GREB1L: variants seen among roughly 807,000 people sequenced by gnomAD.
GREB1L encodes GREB1-like protein.
Under a neutral mutation model 200.8 loss-of-function variants are expected in GREB1L, and 17 were observed. The observed-to-expected ratio is 0.08, with a 90% CI of 0.06 to 0.13. The LOEUF is 0.13. GREB1L is among the 10% of genes least tolerant of loss of function. GREB1L has a pLI of 1.00. For missense variants in GREB1L, 1,657 were observed against 2,367.7 expected, an observed-to-expected ratio of 0.70 and a Z score of 6.23; for synonymous variants, 789 against 893.0, an observed-to-expected ratio of 0.88 and a Z score of 2.08.
At chr18:21,250,693 G>A (rs1332776875) in intron 1 of GREB1L, among the ~76,000 whole-genome samples, 2 of 152,058 alleles carry the variant, frequency 1.3e-5, no homozygotes, top group East Asian at 1.9e-4. Flanking sequence ...TATCTGTTTG[G>A]GGTATTCAGG....
chr18:21,380,325 C>T (rs1280366299), intron 2 of GREB1L: 3 of 152,234 alleles, frequency 2.0e-5, no homozygotes, highest in Non-Finnish European at 2.9e-5. Context: ...CCTCCCTGCT[C>T]ATGAGTGGGC....
intron 16 of GREB1L, among the ~76,000 whole-genome samples, chr18:21,473,848 C>T (rs1297291735): frequency 6.6e-6 from 1 of 152,118 alleles, no homozygotes; most frequent in East Asian, 1.9e-4. Context: ...ACAATCATGG[C>T]ATAAGGCAGG....
At chr18:21,404,620 A>G (rs752949901) in intron 7 of GREB1L, among the ~76,000 whole-genome samples, 3 of 152,230 alleles carry the variant, frequency 2.0e-5, no homozygotes, top group Non-Finnish European at 4.4e-5. Context: ...TCCAGTATAG[A>G]GCACCAGCCC....
intron 7 of GREB1L, among the ~76,000 whole-genome samples, chr18:21,407,666 G>T (rs2030423423): frequency 1.3e-5 from 2 of 151,814 alleles, no homozygotes; most frequent in Non-Finnish European, 2.9e-5. Context: ...TAAATATAAG[G>T]ATTTGTTTTT....
intron 17 of GREB1L, among the ~76,000 whole-genome samples, chr18:21,478,403 A>G (rs1239236843): frequency 6.6e-6 from 1 of 152,248 alleles, no homozygotes; most frequent in Non-Finnish European, 1.5e-5. Context: ...TAAGCAATGG[A>G]TCCCTCATTT....
intron 18 of GREB1L, 76 bp downstream of exon 18, chr18:21,485,829 G>T (rs2036107210): frequency 1.0e-5 from 15 of 1,443,794 alleles, no homozygotes; most frequent in Non-Finnish European, 1.4e-5. Context: ...AGCCTTTTGT[G>T]TCAGTGCTAC....
chr18:21,518,298 G>T, intron 31 of GREB1L, 64 bp downstream of exon 31: 1 of 1,457,744 alleles, frequency 6.9e-7, no homozygotes, highest in Admixed American at 2.4e-5. Flanking sequence ...CATTTTAGCT[G>T]TTTACAAAAA....
chr18:21,340,832 C>T (rs1421277273), intron 1 of GREB1L, among the ~76,000 whole-genome samples: 2 of 152,154 alleles, frequency 1.3e-5, no homozygotes, highest in East Asian at 1.9e-4. Flanking sequence ...CGTTGAGCCA[C>T]CGCACCCGGC....
chr18:21,436,932 A>G (rs1446660314), intron 7 of GREB1L, among the ~76,000 whole-genome samples: 3 of 151,976 alleles, frequency 2.0e-5, no homozygotes, highest in Admixed American at 1.3e-4. Context: ...GCTAGTCTCA[A>G]ACTCCTGGAG....
At chr18:21,456,044 T>C (rs911867797) in intron 15 of GREB1L, among the ~76,000 whole-genome samples, 1 of 151,880 alleles carries the variant, frequency 6.6e-6, no homozygotes, top group African/African-American at 2.4e-5. Flanking sequence ...TAGCTGAGAT[T>C]ACAGGTGTGC....
chr18:21,440,160 A>C, intron 8 of GREB1L, 109 bp from the exon 9 acceptor site: 1 of 1,165,572 alleles, frequency 8.6e-7, no homozygotes, highest in East Asian at 2.6e-5. Context: ...TCTGAGTATA[A>C]TCAAATTAAA....
intron 1 of GREB1L, among the ~76,000 whole-genome samples, chr18:21,322,241 G>GA (rs1260257624): frequency 3.3e-5 from 5 of 151,642 alleles, no homozygotes; most frequent in Admixed American, 6.6e-5. Flanking sequence ...ACAAGTAAAG[G>GA]AAAAAAACAA....
intron 10 of GREB1L, among the ~76,000 whole-genome samples, chr18:21,443,840 ATACT>A (rs529630055): frequency 1.3e-3 from 204 of 152,334 alleles, no homozygotes; most frequent in Non-Finnish European, 2.1e-3. Context: ...ATTGCTTGTA[ATACT>A]TAATACAGTG....
intron 1 of GREB1L, among the ~76,000 whole-genome samples, chr18:21,348,764 G>A (rs2039390931): frequency 6.6e-6 from 1 of 151,998 alleles, no homozygotes; most frequent in Non-Finnish European, 1.5e-5. Context: ...AACAGAGCCA[G>A]ACTCCATCTC....
chr18:21,297,853 AG>A (rs1259091217), intron 1 of GREB1L, among the ~76,000 whole-genome samples: 1 of 151,746 alleles, frequency 6.6e-6, no homozygotes, highest in Non-Finnish European at 1.5e-5. Flanking sequence ...GGCATAAATA[AG>A]GTCATAAACA....
intron 1 of GREB1L, among the ~76,000 whole-genome samples, chr18:21,325,314 C>G (rs1245612754): frequency 6.6e-6 from 1 of 152,124 alleles, no homozygotes; most frequent in African/African-American, 2.4e-5. Flanking sequence ...GCAGCATTAT[C>G]TACAATTCTT....
intron 22 of GREB1L, 75 bp from the exon 23 acceptor site, chr18:21,500,465 G>T: frequency 8.8e-7 from 1 of 1,140,710 alleles, no homozygotes; most frequent in South Asian, 1.3e-5. Flanking sequence ...GAGCCAAGGT[G>T]TGAAATCTCT....
At chr18:21,264,670 C>A (rs1260550684) in intron 1 of GREB1L, among the ~76,000 whole-genome samples, 1 of 149,450 alleles carries the variant, frequency 6.7e-6, no homozygotes, top group Non-Finnish European at 1.5e-5. Flanking sequence ...TCTCCCCCTC[C>A]CCCCCTCCTG....
intron 5 of GREB1L, among the ~76,000 whole-genome samples, chr18:21,397,382 G>A (rs1042208465): frequency 3.9e-4 from 59 of 151,800 alleles, no homozygotes; most frequent in African/African-American, 1.4e-3. Context: ...AAAATTAGCC[G>A]GGCGTGGTGG....
Sources: allele counts gnomAD v4.1 joint callset (sites outside exome capture counted in the v4.1 genomes callset), GRCh38; gene constraint gnomAD v4.1.1; transcripts MANE v1.5; gene names NCBI Gene and HGNC (gene_info 2026-07-23, HGNC 2026-07-21).